Variants in RAB33A observed in about 807,000 individuals in gnomAD.
RAB33A encodes ras-related protein Rab-33A.
RAB33A carries 6 observed loss-of-function variants against 12.0 expected under a neutral mutation model. The observed-to-expected ratio is 0.50, with a 90% CI of 0.27 to 0.99. RAB33A has a LOEUF of 0.99. Among genes scored for constraint, RAB33A ranks in the 50% least tolerant of loss-of-function variants. The pLI, the probability that RAB33A is intolerant of heterozygous loss-of-function variation, is 0.11. For synonymous variants in RAB33A, 70 were observed against 82.4 expected (o/e 0.85, Z 0.81); for missense variants, 109 against 192.0 (o/e 0.57, Z 2.55).
chrX:130,112,664 C>T, the RAB33A span, among the ~76,000 whole-genome samples: 1 of 111,217 alleles, frequency 9.0e-6, no homozygotes, highest in African/African-American at 3.3e-5. Flanking sequence ...GTCAGGAGTT[C>T]AAGACCAGCC....
chrX:130,138,186 C>T, the RAB33A span: 5 of 168,454 alleles, frequency 3.0e-5, no homozygotes, highest in South Asian at 6.0e-4. Context: ...CTTAATTAGG[C>T]TGGGTGTGGT....
At chrX:130,158,550 C>T in the RAB33A span, among the ~76,000 whole-genome samples, 3 of 110,256 alleles carry the variant, frequency 2.7e-5, no homozygotes, top group African/African-American at 9.9e-5. Flanking sequence ...GCTGCTGTTG[C>T]TGCTGCTGCT....
rs1426060483 is a variant in RAB33A, at chrX:130,184,728, C to T, written c.702C>T (p.Ser234=). 5.8e-6 allele frequency: 7 copies of T among 1,209,075 alleles called. No homozygotes were observed. The highest frequency in any genetic ancestry group is 7.8e-6 in the Non-Finnish European group (7 of 893,129). ...CACAGGAAGCTAACAGTAAAACTTC[C>T]TGTCCTTGTTGAAACCAAACGATAT... The part of the protein sequence containing the change: ...EFPQEANSKT[S]CPC The change falls in exon 2 of 2, where the codon TCC becomes TCT. Residue 234 remains serine (S), a synonymous_variant. Transcript: ENST00000257017.
the RAB33A span, among the ~76,000 whole-genome samples, chrX:130,164,863 A>AGTGG: frequency 9.0e-6 from 1 of 111,651 alleles, no homozygotes; most frequent in Non-Finnish European, 1.9e-5. Context: ...CTATAAAATG[A>AGTGG]GTGGGTTGAC....
the RAB33A span, chrX:130,145,620 G>T: frequency 1.0e-6 from 1 of 968,432 alleles, no homozygotes; most frequent in Non-Finnish European, 1.5e-6. Flanking sequence ...ACTGTTATCA[G>T]CTTCCCCCGT....
the RAB33A span, among the ~76,000 whole-genome samples, chrX:130,112,842 G>T: frequency 9.0e-6 from 1 of 110,510 alleles, no homozygotes. Flanking sequence ...CTCCAGCCTG[G>T]ATGACACAGT....
the RAB33A span, among the ~76,000 whole-genome samples, chrX:130,132,658 C>G: frequency 8.9e-6 from 1 of 112,764 alleles, no homozygotes; most frequent in African/African-American, 3.2e-5. Flanking sequence ...CGGCCTTGGC[C>G]TCCCAAAGTG....
At chrX:130,181,244 A>G (rs2031724828) in intron 1 of RAB33A, among the ~76,000 whole-genome samples, 1 of 110,392 alleles carries the variant, frequency 9.1e-6, no homozygotes, top group South Asian at 3.8e-4. Flanking sequence ...AGCCTGGACA[A>G]TGAAAACTGA....
At chrX:130,169,139 C>T (rs775693834), upstream of RAB33A, among the ~76,000 whole-genome samples, 141 of 105,072 alleles carry the variant, frequency 1.3e-3, 1 homozygote, top group Admixed American at 4.8e-3. Flanking sequence ...ACCTGGGAGG[C>T]GGAGCTTGCA....
At chrX:130,182,521 G>A (rs2031742592) in intron 1 of RAB33A, among the ~76,000 whole-genome samples, 1 of 110,388 alleles carries the variant, frequency 9.1e-6, no homozygotes. Context: ...TTGGGAAGCC[G>A]AGGCAGGCGG....
chrX:130,176,932 C>T (rs902022889), intron 1 of RAB33A, among the ~76,000 whole-genome samples: 3 of 112,565 alleles, frequency 2.7e-5, no homozygotes, highest in Non-Finnish European at 3.8e-5. Context: ...ACATTCATGC[C>T]TCATCTATAG....
the RAB33A span, among the ~76,000 whole-genome samples, chrX:130,141,226 C>T: frequency 8.9e-6 from 1 of 111,989 alleles, no homozygotes; most frequent in Admixed American, 9.5e-5. Flanking sequence ...TGACCTAAAG[C>T]GATCCTTAAG....
At chrX:130,129,483 T>TA in the RAB33A span, 5 of 870,654 alleles carry the variant, frequency 5.7e-6, no homozygotes, top group Non-Finnish European at 8.5e-6. Context: ...GTCTGCTGAA[T>TA]AAAAAAATGC....
chrX:130,115,706 GAAAA>G, the RAB33A span, among the ~76,000 whole-genome samples: 33 of 70,290 alleles, frequency 4.7e-4, no homozygotes, highest in Middle Eastern at 6.2e-3. Context: ...GAAGGAGAAA[GAAAA>G]AAGAAAGAAA....
At chrX:130,164,514 T>A in the RAB33A span, among the ~76,000 whole-genome samples, 1 of 112,374 alleles carries the variant, frequency 8.9e-6, no homozygotes, top group African/African-American at 3.2e-5. Context: ...ACATTGCAAA[T>A]GCCCTAGGGG....
At chrX:130,177,912 G>A (rs2031679277) in intron 1 of RAB33A, among the ~76,000 whole-genome samples, 1 of 112,343 alleles carries the variant, frequency 8.9e-6, no homozygotes, top group Non-Finnish European at 1.9e-5. Flanking sequence ...CCACAGGAAA[G>A]GAGGAAAGGG....
At chrX:130,113,077 CTTTTT>C in the RAB33A span, among the ~76,000 whole-genome samples, 1 of 46,994 alleles carries the variant, frequency 2.1e-5, no homozygotes, top group African/African-American at 9.6e-5. Context: ...TTTTTTCCTT[CTTTTT>C]TTTTTTTTTT....
the RAB33A span, among the ~76,000 whole-genome samples, chrX:130,116,049 C>T: frequency 6.5e-5 from 7 of 107,960 alleles, no homozygotes; most frequent in Non-Finnish European, 1.1e-4. Flanking sequence ...TTCCTTTCTT[C>T]AAGCAGTGCC....
chrX:130,173,045 G>A (rs1287903334), intron 1 of RAB33A, among the ~76,000 whole-genome samples: 1 of 111,530 alleles, frequency 9.0e-6, no homozygotes, highest in African/African-American at 3.3e-5. Context: ...CATTCTGTTG[G>A]TATTGTCTTC....
Sources: gnomAD v4.1 joint callset for allele counts (sites outside exome capture counted in the v4.1 genomes callset) on GRCh38, gnomAD v4.1.1 for gene constraint, MANE v1.5 for transcripts, NCBI Gene and HGNC (gene_info 2026-07-23, HGNC 2026-07-21) for gene names.